The following MYO9A variants were observed in gnomAD, a reference collection of about 807,000 sequenced individuals.
The protein encoded by MYO9A is myosin IXA, also known as unconventional myosin-IXa.
In MYO9A, 103 loss-of-function variants were observed where a neutral mutation model predicts 293.3. The ratio of observed to expected loss-of-function variants is 0.35; its 90% confidence interval spans 0.30 to 0.41. MYO9A has a LOEUF of 0.41. MYO9A is among the 10% of genes least tolerant of loss of function. The pLI, the probability that MYO9A is intolerant of heterozygous loss-of-function variation, is 1.00. For synonymous variants in MYO9A, 1,001 were observed against 1,035.7 expected, an observed-to-expected ratio of 0.97 and a Z score of 0.64; for missense variants, 2,685 against 3,033.0, an observed-to-expected ratio of 0.89 and a Z score of 2.69.
chr15:71,951,147 C>T (rs2059041192), intron 15 of MYO9A, among the ~76,000 whole-genome samples: 1 of 152,156 alleles, frequency 6.6e-6, no homozygotes, highest in Non-Finnish European at 1.5e-5. Context: ...TGGTTTTGCT[C>T]TAAACCAGAC....
chr15:71,928,686 A>G (rs1180919472), intron 18 of MYO9A, among the ~76,000 whole-genome samples: 1 of 152,010 alleles, frequency 6.6e-6, no homozygotes, highest in African/African-American at 2.4e-5. Context: ...AAAATAGTTT[A>G]TATTTTTTGA....
intron 14 of MYO9A, among the ~76,000 whole-genome samples, chr15:71,956,690 A>G (rs972650239): frequency 6.6e-6 from 1 of 150,568 alleles, no homozygotes; most frequent in African/African-American, 2.4e-5. Flanking sequence ...TATCTCTCTT[A>G]TATACACGTA....
chr15:71,928,048 A>AT (rs2058367751), intron 18 of MYO9A, among the ~76,000 whole-genome samples: 3 of 10,140 alleles, frequency 3.0e-4, no homozygotes, highest in African/African-American at 3.9e-4. Flanking sequence ...ATATATATAT[A>AT]TATATATATT....
intron 1 of MYO9A, among the ~76,000 whole-genome samples, chr15:72,111,076 G>A (rs997954320): frequency 5.4e-5 from 8 of 149,462 alleles, no homozygotes; most frequent in East Asian, 2.0e-4. Context: ...GGAGAATGGC[G>A]TGAACCTGGG....
At chr15:71,993,577 G>C (rs2076603615) in intron 10 of MYO9A, 1 of 152,150 alleles carries the variant, frequency 6.6e-6, no homozygotes, top group Non-Finnish European at 1.5e-5. Context: ...CATCCAATGT[G>C]GGTAAAGGTG....
chr15:71,929,979 CAATTT>C (rs988890919), intron 18 of MYO9A, among the ~76,000 whole-genome samples: 2 of 152,122 alleles, frequency 1.3e-5, no homozygotes, highest in African/African-American at 2.4e-5. Flanking sequence ...CTCTCCAGTT[CAATTT>C]TTTGAAAGAG....
At chr15:71,977,252 G>A (rs2076165723) in intron 12 of MYO9A, among the ~76,000 whole-genome samples, 1 of 152,098 alleles carries the variant, frequency 6.6e-6, no homozygotes, top group South Asian at 2.1e-4. Context: ...TTTTTTTGGA[G>A]ACAAAGTCTT....
chr15:71,937,718 A>G (rs2058676691), intron 16 of MYO9A, among the ~76,000 whole-genome samples: 1 of 152,158 alleles, frequency 6.6e-6, no homozygotes, highest in Non-Finnish European at 1.5e-5. Flanking sequence ...AAGTACAAAG[A>G]AAGAAGCACA....
chr15:71,982,326 A>G (rs2076296529), intron 11 of MYO9A, among the ~76,000 whole-genome samples: 1 of 151,804 alleles, frequency 6.6e-6, no homozygotes, highest in South Asian at 2.1e-4. Flanking sequence ...AGCCTAGAAT[A>G]TTTCTTAATT....
intron 39 of MYO9A, among the ~76,000 whole-genome samples, chr15:71,839,874 G>T (rs895463436): frequency 1.3e-5 from 2 of 151,834 alleles, no homozygotes; most frequent in Non-Finnish European, 2.9e-5. Flanking sequence ...ATGAATTTTA[G>T]TATCAACTTG....
At chr15:71,855,501 C>G (rs2055830676) in intron 34 of MYO9A, among the ~76,000 whole-genome samples, 3 of 152,082 alleles carry the variant, frequency 2.0e-5, no homozygotes, top group African/African-American at 7.2e-5. Flanking sequence ...AACAGCTTAC[C>G]CTTAAGATTA....
intron 3 of MYO9A, among the ~76,000 whole-genome samples, chr15:72,028,030 T>G (rs1448645316): frequency 6.7e-6 from 1 of 148,882 alleles, no homozygotes; most frequent in African/African-American, 2.5e-5. Flanking sequence ...AAACCCCATC[T>G]CTAATAAAAT....
At chr15:71,945,175 T>C (rs1351837430) in intron 15 of MYO9A, among the ~76,000 whole-genome samples, 3 of 152,158 alleles carry the variant, frequency 2.0e-5, no homozygotes, top group East Asian at 3.8e-4. Context: ...ACTCAACATG[T>C]CTCAAGAGGT....
intron 1 of MYO9A, among the ~76,000 whole-genome samples, chr15:72,048,461 CT>C (rs895938783): frequency 7.2e-5 from 11 of 152,052 alleles, no homozygotes; most frequent in Non-Finnish European, 1.2e-4. Context: ...CACTGTGGTA[CT>C]GGTTCAATTG....
intron 16 of MYO9A, among the ~76,000 whole-genome samples, chr15:71,936,684 C>G (rs1467457844): frequency 6.6e-6 from 1 of 151,828 alleles, no homozygotes; most frequent in Non-Finnish European, 1.5e-5. Context: ...CACATTTGTC[C>G]ATATTTATAA....
intron 11 of MYO9A, among the ~76,000 whole-genome samples, chr15:71,980,584 C>T (rs2076248070): frequency 6.6e-6 from 1 of 152,112 alleles, no homozygotes; most frequent in Admixed American, 6.5e-5. Context: ...TCTGTAATTC[C>T]AATGCTTTGG....
At chr15:71,861,338 G>A (rs1035770422) in intron 33 of MYO9A, among the ~76,000 whole-genome samples, 3 of 151,434 alleles carry the variant, frequency 2.0e-5, no homozygotes, top group African/African-American at 7.3e-5. Context: ...TAGCACCAGA[G>A]CAGATGTATA....
At chr15:72,020,595 GGGTTGTAAAA>G (rs766873848) in intron 5 of MYO9A, among the ~76,000 whole-genome samples, 13 of 152,140 alleles carry the variant, frequency 8.5e-5, no homozygotes, top group African/African-American at 2.7e-4. Context: ...AATATCCTGG[GGGTTGTAAAA>G]GGTAAATCAC....
intron 41 of MYO9A, among the ~76,000 whole-genome samples, chr15:71,827,609 G>A (rs1334703299): frequency 6.6e-6 from 1 of 152,012 alleles, no homozygotes; most frequent in Non-Finnish European, 1.5e-5. Flanking sequence ...AAAGACAACA[G>A]GAAAAAAAAG....
Sources: gnomAD v4.1 joint callset for allele counts (sites outside exome capture counted in the v4.1 genomes callset) on GRCh38, gnomAD v4.1.1 for gene constraint, MANE v1.5 for transcripts, NCBI Gene and HGNC (gene_info 2026-07-23, HGNC 2026-07-21) for gene names.